The following OCA2 variants were observed in gnomAD, a reference collection of about 807,000 sequenced individuals.
The protein encoded by OCA2 is OCA2 melanosomal transmembrane protein.
In OCA2, 77 loss-of-function variants were observed where a neutral mutation model predicts 100.2. The ratio of observed to expected loss-of-function variants is 0.77; its 90% CI spans 0.64 to 0.93. The LOEUF (loss-of-function observed/expected upper bound fraction) is 0.93, where lower values mean the gene tolerates loss of function less well. Ranked by LOEUF, OCA2 falls within the 40% of genes least tolerant of loss-of-function variation. OCA2 has a pLI of 0.00. For missense variants in OCA2, 1,062 were observed against 1,089.1 expected, an observed-to-expected ratio of 0.98 and a Z score of 0.35; for synonymous variants, 432 against 439.2, an observed-to-expected ratio of 0.98 and a Z score of 0.21.
At chr15:28,087,666 G>A (rs1463998418) in intron 1 of OCA2, among the ~76,000 whole-genome samples, 1 of 152,312 alleles carries the variant, frequency 6.6e-6, no homozygotes, top group South Asian at 2.1e-4. Context: ...AGAATCACCT[G>A]AGCCAGGAAA....
At chr15:27,804,009 G>T (rs551888204) in intron 23 of OCA2, among the ~76,000 whole-genome samples, 1 of 152,200 alleles carries the variant, frequency 6.6e-6, no homozygotes, top group South Asian at 2.1e-4. Context: ...TGTGGTGACG[G>T]TTTCACAGGG....
chr15:28,069,997 G>C lies in OCA2; in HGVS notation c.227+11651C>G, dbSNP rs1037478920. Among the ~76,000 whole-genome samples the C allele has an allele frequency of 6.8e-3, 772 of 113,738 alleles. 59 individuals carry two copies. Among genetic ancestry groups the C allele is most frequent in the African/African-American group, 0.032 (489 of 15,256 alleles). 74.6% of individuals were successfully genotyped at this position (113,738 alleles called of 152,430 possible). A position where few individuals can be genotyped will look rare whatever the true frequency, so the allele number is the denominator to read the frequency against. Reference sequence around the variant, plus strand: ...GCCGCCATCACATCTAGGAAGTGAGGAGCGTCTCTGCCCGGCCACCCATCG... The same window carrying C: ...GCCGCCATCACATCTAGGAAGTGAGCAGCGTCTCTGCCCGGCCACCCATCG... On this transcript the variant is annotated intron_variant, in intron 2 of 23. Coordinates refer to ENST00000354638, the MANE Select transcript of OCA2 (RefSeq NM_000275.3).
chr15:27,939,776 C>T (rs577223916), intron 18 of OCA2, among the ~76,000 whole-genome samples: 1 of 152,310 alleles, frequency 6.6e-6, no homozygotes, highest in Non-Finnish European at 1.5e-5. Flanking sequence ...GGTAAAAACA[C>T]ACTCAAAAAT....
At chr15:27,970,590 G>C (rs1038207019) in intron 14 of OCA2, among the ~76,000 whole-genome samples, 4 of 151,672 alleles carry the variant, frequency 2.6e-5, no homozygotes, top group Admixed American at 6.6e-5. Context: ...GAATGTCCCA[G>C]CATGCACAGT....
intron 1 of OCA2, among the ~76,000 whole-genome samples, chr15:28,087,149 T>A (rs796172805): frequency 5.9e-5 from 9 of 152,094 alleles, no homozygotes; most frequent in African/African-American, 2.2e-4. Flanking sequence ...GGCAAAATTT[T>A]AAAAATTAAA....
chr15:27,878,670 T>C (rs1367578663), intron 19 of OCA2, among the ~76,000 whole-genome samples: 2 of 152,182 alleles, frequency 1.3e-5, no homozygotes, highest in African/African-American at 2.4e-5. Flanking sequence ...ACTATGATTA[T>C]GATGTGTCTA....
At chr15:28,035,892 T>C (rs1479271342) in intron 2 of OCA2, among the ~76,000 whole-genome samples, 1 of 50 alleles carries the variant, frequency 0.02, no homozygotes, top group East Asian at 0.5. Context: ...ATAATTCTAT[T>C]AATTCAGAGA....
intron 2 of OCA2, among the ~76,000 whole-genome samples, chr15:28,040,256 G>A (rs1227865379): frequency 6.6e-6 from 1 of 152,142 alleles, no homozygotes; most frequent in Non-Finnish European, 1.5e-5. Context: ...AAGCCACACA[G>A]TCTGGCATTT....
rs200996487 is a variant in OCA2 at position 27,811,063 on chromosome 15, C to T, written c.2432+33896G>A. On this transcript the variant is annotated intron_variant, in intron 23 of 23. Transcript: ENST00000354638. Reference sequence around the variant, plus strand: ...AGAAGTCATTATATGAAAAAGACACCGTACATGCATGTTTATGGCAGCGCA... The same window carrying T: ...AGAAGTCATTATATGAAAAAGACACTGTACATGCATGTTTATGGCAGCGCA... 3.3e-5 allele frequency among the ~76,000 whole-genome samples: 5 copies of T among 151,952 alleles called. No individual in the cohort carries two copies. The East Asian group carries it at 9.6e-4, about 29-fold the overall frequency.
At position 27,993,950 on chromosome 15, in the gene OCA2, A is replaced by G. The variant is rs181656332; in HGVS notation, c.1045-3303T>C. Among the ~76,000 whole-genome samples the G allele has an allele frequency of 1.9e-3, 291 of 152,388 alleles. 3 individuals carry two copies. The highest frequency in any genetic ancestry group is 6.7e-3 in the African/African-American group (280 of 41,590). ...AGAAGATGAGTTCATTACTTCAGAT[A>G]TAATGATGGACACTACTAAATTTCT... On this transcript the variant is annotated intron_variant, in intron 9 of 23. Coordinates refer to ENST00000354638, the MANE Select transcript of OCA2 (RefSeq NM_000275.3).
At chr15:27,745,623 G>C in the OCA2 span, among the ~76,000 whole-genome samples, 3 of 152,214 alleles carry the variant, frequency 2.0e-5, no homozygotes, top group Admixed American at 6.5e-5. Flanking sequence ...GCCCTGCAAT[G>C]CTTTCTCTTG....
chr15:28,087,286 C>A (rs1284564506), intron 1 of OCA2, among the ~76,000 whole-genome samples: 4 of 151,896 alleles, frequency 2.6e-5, no homozygotes, highest in African/African-American at 4.8e-5. Flanking sequence ...GAGGAAGGAA[C>A]AGTCAAGCCA....
the OCA2 span, among the ~76,000 whole-genome samples, chr15:27,735,045 G>T: frequency 6.6e-6 from 1 of 151,502 alleles, no homozygotes; most frequent in African/African-American, 2.4e-5. Flanking sequence ...ACCTAACAAA[G>T]AATTAAAATT....
intron 2 of OCA2, among the ~76,000 whole-genome samples, chr15:28,073,329 G>C (rs941695654): frequency 9.9e-5 from 15 of 152,112 alleles, no homozygotes; most frequent in African/African-American, 4.8e-5. Flanking sequence ...CGAGGTAATC[G>C]CTTGAACCCG....
At chr15:27,794,739 T>C (rs950661119) in intron 23 of OCA2, among the ~76,000 whole-genome samples, 6 of 152,080 alleles carry the variant, frequency 3.9e-5, no homozygotes, top group Non-Finnish European at 5.9e-5. Flanking sequence ...GACATGCTGT[T>C]CAGGTGCATT....
At chr15:28,098,016 C>T (rs2045018362) in intron 1 of OCA2, among the ~76,000 whole-genome samples, 1 of 152,208 alleles carries the variant, frequency 6.6e-6, no homozygotes, top group Admixed American at 6.5e-5. Flanking sequence ...TTTCCAGGGA[C>T]AGCCAGGACC....
chr15:28,014,446 C>A (rs960616583), intron 9 of OCA2, among the ~76,000 whole-genome samples: 1 of 152,210 alleles, frequency 6.6e-6, no homozygotes, highest in Admixed American at 6.5e-5. Context: ...GACTCTGAGT[C>A]TCAGAGGAGA....
chr15:28,013,647 GCT>G (rs965635338), intron 9 of OCA2, among the ~76,000 whole-genome samples: 1 of 152,110 alleles, frequency 6.6e-6, no homozygotes, highest in Non-Finnish European at 1.5e-5. Context: ...GGAGGGGCGT[GCT>G]CTGTGTGGGC....
chr15:27,885,527 T>C (rs2037187541), intron 19 of OCA2, among the ~76,000 whole-genome samples: 1 of 152,248 alleles, frequency 6.6e-6, no homozygotes. Context: ...CTTTTTCTCT[T>C]TCTTCTCAGC....
Sources: gnomAD v4.1 joint callset for allele counts (sites outside exome capture counted in the v4.1 genomes callset) on GRCh38, gnomAD v4.1.1 for gene constraint, MANE v1.5 for transcripts, NCBI Gene and HGNC (gene_info 2026-07-23, HGNC 2026-07-21) for gene names.